Variants in DYRK1A observed in about 807,000 individuals in gnomAD.
The protein encoded by DYRK1A is dual specificity tyrosine-phosphorylation-regulated kinase 1A.
DYRK1A carries 9 observed loss-of-function variants against 79.7 expected under a neutral mutation model. The observed-to-expected ratio is 0.11, with a 90% CI of 0.07 to 0.20. DYRK1A has a LOEUF of 0.20. DYRK1A is among the 10% of genes least tolerant of loss of function. DYRK1A has a pLI of 1.00. For synonymous variants in DYRK1A, 349 were observed against 329.7 expected, an observed-to-expected ratio of 1.06 and a Z score of -0.63; for missense variants, 622 against 956.0, an observed-to-expected ratio of 0.65 and a Z score of 4.61.
chr21:37,400,177 C>T (rs2050027601), intron 1 of DYRK1A, among the ~76,000 whole-genome samples: 2 of 152,134 alleles, frequency 1.3e-5, no homozygotes, highest in African/African-American at 2.4e-5. Context: ...TCAATCTCTC[C>T]TGCGATGGTT....
At chr21:37,438,420 G>GT (rs2050989551) in intron 2 of DYRK1A, among the ~76,000 whole-genome samples, 1 of 149,996 alleles carries the variant, frequency 6.7e-6, no homozygotes, top group Admixed American at 6.6e-5. Context: ...GTTTGTTGTT[G>GT]TTTTTTTCCC....
intron 1 of DYRK1A, among the ~76,000 whole-genome samples, chr21:37,396,446 A>C (rs2049961005): frequency 1.3e-5 from 2 of 151,526 alleles, no homozygotes; most frequent in African/African-American, 4.8e-5. Context: ...CATTCACCTG[A>C]AAATACATTG....
At chr21:37,413,343 A>G (rs548676761) in intron 1 of DYRK1A, among the ~76,000 whole-genome samples, 1 of 152,318 alleles carries the variant, frequency 6.6e-6, no homozygotes, top group South Asian at 2.1e-4. Flanking sequence ...ATAAAAGTAC[A>G]TATAACCAAC....
intron 2 of DYRK1A, among the ~76,000 whole-genome samples, chr21:37,455,192 G>A (rs117657280): frequency 6.6e-6 from 1 of 152,084 alleles, no homozygotes; most frequent in Non-Finnish European, 1.5e-5. Flanking sequence ...GTGAGGGCCT[G>A]GGCTCTTTGG....
intron 1 of DYRK1A, among the ~76,000 whole-genome samples, chr21:37,370,454 C>T (rs1440264373): frequency 1.3e-5 from 2 of 152,092 alleles, no homozygotes; most frequent in Non-Finnish European, 2.9e-5. Flanking sequence ...TGCCACTGAA[C>T]ACAAGATTAG....
intron 2 of DYRK1A, among the ~76,000 whole-genome samples, chr21:37,468,617 T>TCTC (rs1298296327): frequency 6.6e-6 from 1 of 152,124 alleles, no homozygotes; most frequent in East Asian, 1.9e-4. Flanking sequence ...CAGTGGAGAA[T>TCTC]GTTTGTCTTT....
In DYRK1A at chr21:37,472,857, A is replaced by C; in HGVS notation, c.184A>C (p.Ile62Leu). 1 of 1,586,964 alleles carries C rather than the reference A, an allele frequency of 6.3e-7. No individual in the cohort carries two copies. Among genetic ancestry groups the C allele is most frequent in the South Asian group, 1.1e-5 (1 of 87,732 alleles). ...QVSALSYSDQ[I>L]QQPLTNQRRM... ...TTCTGCCTTATCATATTCTGACCAG[A>C]TTCAGCAACCTCTAACTAACCAGGT... Residue 62 changes from isoleucine (I) to leucine (L), a missense_variant, in exon 3 of 12, where the codon ATT becomes CTT. Ile to Leu is a conservative substitution (Grantham distance 5). Coordinates refer to ENST00000647188, the MANE Select transcript of DYRK1A (RefSeq NM_001347721.2).
chr21:37,373,538 T>C (rs114235838), intron 1 of DYRK1A, among the ~76,000 whole-genome samples: 2,331 of 152,338 alleles, frequency 0.015, 67 homozygotes, highest in African/African-American at 0.053. Context: ...AAGGCTGATA[T>C]GGTGGCACCA....
In DYRK1A at chr21:37,491,965, A is replaced by G. The variant is rs1052965574; in HGVS notation, c.925-1052A>G. On this transcript the variant is annotated intron_variant, in intron 7 of 11. Coordinates refer to ENST00000647188, the MANE Select transcript of DYRK1A (RefSeq NM_001347721.2). ...CTGCCCCTAGATCTGTTGGATTAGAATCAGAAGGTGGTAGGGCAAGTGTGT... is the reference window on the plus strand; with the variant it reads ...CTGCCCCTAGATCTGTTGGATTAGAGTCAGAAGGTGGTAGGGCAAGTGTGT... 3.3e-5 allele frequency among the ~76,000 whole-genome samples: 5 copies of G among 152,220 alleles called. No homozygotes were observed. In the East Asian group the frequency reaches 9.6e-4, roughly 29 times the overall value.
At chr21:37,438,041 A>G (rs757193800) in intron 2 of DYRK1A, among the ~76,000 whole-genome samples, 1 of 152,132 alleles carries the variant, frequency 6.6e-6, no homozygotes, top group African/African-American at 2.4e-5. Flanking sequence ...TAGCCATTCT[A>G]ATACTTGGGT....
chr21:37,514,698 A>G lies in DYRK1A; in HGVS notation c.*2167A>G, dbSNP rs573723451. The G allele has an allele frequency of 1.7e-4, 26 of 152,734 alleles. No individual in the cohort carries two copies. The highest frequency in any genetic ancestry group is 1.1e-3 in the Admixed American group (17 of 15,298). 9.5% of individuals were successfully genotyped at this position (152,734 alleles called of 1,614,324 possible). ...TTGTAATTAACTGTCAAGCCTGTGG[A>G]TGATTTTTTTGAACTTGGTAGTTCA... On this transcript the variant is annotated 3_prime_UTR_variant, in exon 12 of 12. Transcript: ENST00000647188.
rs1167431101 is a variant in DYRK1A, at chr21:37,514,790, T to TA, written c.*2260dup. ...GCAATATCAAAAGGAATTCAGTAGT[T>TA]ACTGCTGTTTAGGAATATAAGGTTA... On this transcript the variant is annotated 3_prime_UTR_variant, in exon 12 of 12. Transcript: ENST00000647188. 1 of 152,662 alleles carries TA rather than the reference T, an allele frequency of 6.6e-6. No homozygotes were observed. Among genetic ancestry groups the TA allele is most frequent in the East Asian group, 1.9e-4 (1 of 5,204 alleles). 9.5% of individuals were successfully genotyped at this position (152,662 alleles called of 1,614,324 possible).
chr21:37,438,852 TC>T (rs2057207001), intron 2 of DYRK1A, among the ~76,000 whole-genome samples: 1 of 152,232 alleles, frequency 6.6e-6, no homozygotes, highest in Non-Finnish European at 1.5e-5. Context: ...GCTAATTTCT[TC>T]AATAAAGTTT....
At chr21:37,466,083 A>T (rs187405338) in intron 2 of DYRK1A, among the ~76,000 whole-genome samples, 2 of 152,210 alleles carry the variant, frequency 1.3e-5, no homozygotes, top group African/African-American at 4.8e-5. Context: ...GAGGGTAGTG[A>T]TAACAGCAGT....
In DYRK1A at chr21:37,512,294, GGCT is replaced by G; in HGVS notation, c.2032_2034del (p.Ala678del). On this transcript the variant is annotated inframe_deletion, in exon 12 of 12. Transcript: ENST00000647188. ...ATCAGGCCTACCAGAATCGCCCAGT[GGCT>G]GCTAATACCTTGGACTTTGGACAGA... 6.2e-7 allele frequency: 1 copy of G among 1,614,200 alleles called. No individual in the cohort carries two copies. Among genetic ancestry groups the G allele is most frequent in the Non-Finnish European group, 8.5e-7 (1 of 1,180,034 alleles).
chr21:37,478,349 A>G (rs763348302), intron 4 of DYRK1A, 49 bp downstream of exon 4: 1 of 1,560,958 alleles, frequency 6.4e-7, no homozygotes, highest in East Asian at 2.3e-5. Context: ...TATGTCATTG[A>G]GAAAAAAAGT....
At chr21:37,446,471 T>C (rs1233546064) in intron 2 of DYRK1A, among the ~76,000 whole-genome samples, 1 of 152,236 alleles carries the variant, frequency 6.6e-6, no homozygotes, top group Non-Finnish European at 1.5e-5. Flanking sequence ...TAAATTGATT[T>C]TCCCTATTTA....
chr21:37,484,497 T>G (rs2052780553), intron 5 of DYRK1A, among the ~76,000 whole-genome samples: 1 of 151,878 alleles, frequency 6.6e-6, no homozygotes, highest in African/African-American at 2.4e-5. Context: ...CCTGGCTAAT[T>G]TTTATATTTT....
chr21:37,386,704 C>T lies in DYRK1A; in HGVS notation c.-77+19076C>T, dbSNP rs186757131. ...TAACTCACAATTGGAATTCCAGGGA[C>T]AGGCTCAGGGGCTAATTGATTTGGT... On this transcript the variant is annotated intron_variant, in intron 1 of 11. Transcript: ENST00000647188. Among the ~76,000 whole-genome samples, 808 of 150,486 alleles carry T rather than the reference C, an allele frequency of 5.4e-3. 5 individuals are homozygous for T. The highest frequency in any genetic ancestry group is 8.3e-3 in the Non-Finnish European group (559 of 67,594).
Sources: gnomAD v4.1 joint callset for allele counts (sites outside exome capture counted in the v4.1 genomes callset) on GRCh38, gnomAD v4.1.1 for gene constraint, MANE v1.5 for transcripts, NCBI Gene and HGNC (gene_info 2026-07-23, HGNC 2026-07-21) for gene names.